Variants in ADAM32 observed in about 807,000 individuals in gnomAD.
ADAM32 encodes the protein disintegrin and metalloproteinase domain-containing protein 32.
In ADAM32, 89 loss-of-function variants were observed where a neutral mutation model predicts 114.9. The observed-to-expected ratio is 0.77, with a 90% CI of 0.65 to 0.92. The LOEUF (loss-of-function observed/expected upper bound fraction) is 0.92. Among genes scored for constraint, ADAM32 ranks in the 40% least tolerant of loss-of-function variants. The pLI is 0.00. For synonymous variants in ADAM32, 285 were observed against 307.5 expected, an observed-to-expected ratio of 0.93 and a Z score of 0.77; for missense variants, 870 against 932.8, an observed-to-expected ratio of 0.93 and a Z score of 0.88.
chr8:39,215,342 A>G (rs900617945), intron 12 of ADAM32, among the ~76,000 whole-genome samples: 5 of 151,778 alleles, frequency 3.3e-5, no homozygotes, highest in Non-Finnish European at 5.9e-5. Context: ...GGTGTTCTCA[A>G]TTTCTTGCAT....
At chr8:39,265,513 T>C (rs1812296068) in intron 19 of ADAM32, among the ~76,000 whole-genome samples, 1 of 152,234 alleles carries the variant, frequency 6.6e-6, no homozygotes, top group Non-Finnish European at 1.5e-5. Context: ...AATATTGTTA[T>C]GTGCAGATTT....
intron 17 of ADAM32, among the ~76,000 whole-genome samples, chr8:39,247,331 A>G (rs956075625): frequency 2.0e-5 from 3 of 152,264 alleles, no homozygotes; most frequent in African/African-American, 7.2e-5. Flanking sequence ...AGTGAATGAG[A>G]GTCCCTGTTG....
At chr8:39,234,182 T>C (rs1227201760) in intron 16 of ADAM32, 100 bp downstream of exon 16, 8 of 921,624 alleles carry the variant, frequency 8.7e-6, no homozygotes, top group Non-Finnish European at 4.3e-6. Context: ...TATTAGGTAA[T>C]CTTAAATGTT....
intron 11 of ADAM32, among the ~76,000 whole-genome samples, chr8:39,199,172 C>T (rs564123221): frequency 6.6e-6 from 1 of 152,288 alleles, no homozygotes; most frequent in East Asian, 1.9e-4. Flanking sequence ...GGTAGTTTGA[C>T]TATACGTGCC....
In ADAM32 at chr8:39,151,384, C is replaced by G; in HGVS notation, c.361C>G (p.Leu121Val). 1 of 1,588,552 alleles carries G rather than the reference C, an allele frequency of 6.3e-7. No homozygotes were observed. The highest frequency in any genetic ancestry group is 1.2e-5 in the South Asian group (1 of 84,986). Residue 121 changes from leucine to valine, a missense_variant, in exon 6 of 25, where the codon CTG becomes GTG. Physicochemically the swap from Leu to Val is conservative, Grantham distance 32 (BLOSUM62 1). Transcript: ENST00000379907. ...LSTCSGLRGI[L>V]QFENVSYGIE... ...GTATTCATAATTTCACAGAGGAATA[C>G]TGCAATTTGAAAATGTTTCTTATGG... is the stretch of plus-strand genomic sequence containing the variant.
intron 12 of ADAM32, among the ~76,000 whole-genome samples, chr8:39,218,198 C>A (rs1808720052): frequency 6.6e-6 from 1 of 152,078 alleles, no homozygotes; most frequent in African/African-American, 2.4e-5. Context: ...ATTTTCTTTC[C>A]TTACTTTCTC....
chr8:39,245,387 CAG>C (rs1810841194), intron 16 of ADAM32, among the ~76,000 whole-genome samples: 1 of 152,090 alleles, frequency 6.6e-6, no homozygotes, highest in African/African-American at 2.4e-5. Context: ...ACCAACATCT[CAG>C]AAATCACTAC....
intron 12 of ADAM32, among the ~76,000 whole-genome samples, chr8:39,218,683 C>T (rs1269822014): frequency 1.3e-5 from 2 of 152,150 alleles, no homozygotes; most frequent in African/African-American, 4.8e-5. Flanking sequence ...CAGGCCACCA[C>T]TGATGTTGAG....
intron 11 of ADAM32, among the ~76,000 whole-genome samples, chr8:39,191,397 C>T (rs1806596102): frequency 6.6e-6 from 1 of 152,210 alleles, no homozygotes; most frequent in South Asian, 2.1e-4. Flanking sequence ...TTTTTCTCCA[C>T]AACCTCACCA....
intron 11 of ADAM32, among the ~76,000 whole-genome samples, chr8:39,207,633 G>A (rs979910814): frequency 4.6e-5 from 7 of 152,180 alleles, no homozygotes; most frequent in Admixed American, 1.3e-4. Flanking sequence ...ACCCTACTGT[G>A]TAATAAAATA....
intron 10 of ADAM32, among the ~76,000 whole-genome samples, chr8:39,183,599 T>C (rs1468393684): frequency 6.6e-6 from 1 of 152,168 alleles, no homozygotes; most frequent in Non-Finnish European, 1.5e-5. Context: ...GCCTAATGGC[T>C]ATGGGGGAAA....
chr8:39,136,613 T>C (rs953454120), intron 2 of ADAM32, 44 bp from the exon 3 acceptor site: 1 of 1,262,600 alleles, frequency 7.9e-7, no homozygotes, highest in Non-Finnish European at 1.1e-6. Context: ...TTTTGCTTCT[T>C]GTATTAAATT....
chr8:39,276,706 T>G (rs1813096028), intron 22 of ADAM32, among the ~76,000 whole-genome samples: 1 of 152,176 alleles, frequency 6.6e-6, no homozygotes, highest in African/African-American at 2.4e-5. Flanking sequence ...TCTGCCTCAT[T>G]ATTTTTTTCC....
chr8:39,143,954 G>T (rs1202119659), intron 3 of ADAM32, among the ~76,000 whole-genome samples: 1 of 152,210 alleles, frequency 6.6e-6, no homozygotes, highest in Non-Finnish European at 1.5e-5. Flanking sequence ...CAATTAAGCT[G>T]CAGTGTTGCA....
chr8:39,250,187 C>G (rs1426468516), intron 17 of ADAM32, among the ~76,000 whole-genome samples: 3 of 151,704 alleles, frequency 2.0e-5, no homozygotes, highest in African/African-American at 7.2e-5. Context: ...CTTTTTTGTT[C>G]TCTTGGTATC....
chr8:39,199,991 T>A (rs1290514614), intron 11 of ADAM32, among the ~76,000 whole-genome samples: 1 of 152,242 alleles, frequency 6.6e-6, no homozygotes. Flanking sequence ...ATGGTGTATA[T>A]GTGCCACATT....
At chr8:39,259,474 A>G (rs999654360) in intron 19 of ADAM32, among the ~76,000 whole-genome samples, 1 of 151,240 alleles carries the variant, frequency 6.6e-6, no homozygotes, top group African/African-American at 2.4e-5. Context: ...ACATTTTTGT[A>G]TTCTGTTTTT....
chr8:39,240,762 C>T (rs1810502138), intron 16 of ADAM32, among the ~76,000 whole-genome samples: 1 of 152,152 alleles, frequency 6.6e-6, no homozygotes, highest in Admixed American at 6.5e-5. Flanking sequence ...AAGATCTGCC[C>T]TCATGGTTCA....
intron 10 of ADAM32, among the ~76,000 whole-genome samples, chr8:39,176,937 G>C (rs1805567948): frequency 6.6e-6 from 1 of 152,124 alleles, no homozygotes; most frequent in Admixed American, 6.6e-5. Context: ...TTACCATTAT[G>C]TAATGCCCTT....
Sources: gnomAD v4.1 joint callset for allele counts (sites outside exome capture counted in the v4.1 genomes callset) on GRCh38, gnomAD v4.1.1 for gene constraint, MANE v1.5 for transcripts, NCBI Gene and HGNC (gene_info 2026-07-23, HGNC 2026-07-21) for gene names.